Variants in CCN3 observed in about 807,000 individuals in gnomAD.
The protein encoded by CCN3 is cellular communication network factor 3, also known as CCN family member 3.
Under a neutral mutation model 33.4 loss-of-function variants are expected in CCN3, and 20 were observed. The observed-to-expected ratio is 0.60, with a 90% CI of 0.42 to 0.87. The LOEUF is 0.87. Among genes scored for constraint, CCN3 ranks in the 40% least tolerant of loss-of-function variants. The pLI is 0.00. For synonymous variants in CCN3, 205 were observed against 170.4 expected (o/e 1.20, Z -1.58); for missense variants, 465 against 455.3 (o/e 1.02, Z -0.19).
At position 119,416,962 on chromosome 8, in the gene CCN3, C is replaced by G; in HGVS notation, c.303C>G (p.Ile101Met). The change falls in exon 2 of 5, where the codon ATC (isoleucine) becomes ATG (methionine). Residue 101 changes from isoleucine to methionine, a missense_variant. By Grantham distance (10) the Ile-to-Met change is conservative. Transcript: ENST00000259526. ...RSADPSNQTGICTAVEGDNCV... is the reference protein window; with the variant it reads ...RSADPSNQTGMCTAVEGDNCV... ...CGGACCCCAGCAACCAGACTGGCAT[C>G]TGCACGGGTAATCCTGCTCCCTCTG... The G allele has an allele frequency of 6.2e-7, 1 of 1,611,716 alleles. No homozygotes were observed. Among genetic ancestry groups the G allele is most frequent in the Non-Finnish European group, 8.5e-7 (1 of 1,178,422 alleles).
chr8:119,418,019 T>C lies in CCN3; in HGVS notation c.311-39T>C, dbSNP rs201215117. 29 of 1,584,748 alleles carry C rather than the reference T, an allele frequency of 1.8e-5. No individual in the cohort carries two copies. The East Asian group carries it at 5.6e-4, about 31-fold the overall frequency. On this transcript the variant is annotated intron_variant, in intron 2 of 4. Coordinates refer to ENST00000259526, the MANE Select transcript of CCN3 (RefSeq NM_002514.4). ...CTGTATTGTGTTCTTGTTTTTCCTC[T>C]TCCTCTTTGCTTTTCACTTTGCTTC...
In CCN3 at chr8:119,422,875, G is replaced by A; in HGVS notation, c.817G>A (p.Ala273Thr). 1 of 1,612,412 alleles carries A rather than the reference G, an allele frequency of 6.2e-7. No homozygotes were observed. Residue 273 changes from alanine to threonine, a missense_variant, in exon 5 of 5, where the codon GCC (alanine) becomes ACC (threonine). Transcript: ENST00000259526. ...TCTCCGCACCAAGAAGTCACTCAAA[G>A]CCATCCACCTGCAGTTCAAGAACTG... is the stretch of plus-strand genomic sequence containing the variant. The part of the protein sequence containing the change: ...KCLRTKKSLK[A>T]IHLQFKNCTS...
chr8:119,417,576 A>G (rs1820068754), intron 2 of CCN3, among the ~76,000 whole-genome samples: 1 of 152,226 alleles, frequency 6.6e-6, no homozygotes, highest in African/African-American at 2.4e-5. Flanking sequence ...CTTTCTGGAC[A>G]GGAGGGCTTT....
intron 2 of CCN3, 150 bp downstream of exon 2, chr8:119,417,119 C>G (rs142716265): frequency 6.9e-6 from 5 of 725,246 alleles, no homozygotes; most frequent in Non-Finnish European, 1.1e-5. Context: ...TACTGTGTGT[C>G]AGGCATGGTT....
chr8:119,422,146 CAGAGAGAGACAGAG>C (rs566091994), intron 4 of CCN3, among the ~76,000 whole-genome samples: 1,650 of 151,274 alleles, frequency 0.011, 20 homozygotes, highest in South Asian at 0.032. Flanking sequence ...GGCAGCAGGA[CAGAGAGAGACAGAG>C]AGAGAGAGAG....
chr8:119,417,016 T>A, intron 2 of CCN3, 47 bp downstream of exon 2: 1 of 1,454,358 alleles, frequency 6.9e-7, no homozygotes, highest in Non-Finnish European at 9.5e-7. Context: ...TGCAGCTAAG[T>A]GAAGCTGCTT....
rs1563616513 is a variant in CCN3, at chr8:119,419,175, A to G, written c.607A>G (p.Ser203Gly). The G allele has an allele frequency of 6.2e-7, 1 of 1,614,242 alleles. No individual in the cohort carries two copies. Among genetic ancestry groups the G allele is most frequent in the East Asian group, 2.2e-5 (1 of 44,882 alleles). The change falls in exon 4 of 5, where the codon AGT becomes GGT. Residue 203 changes from serine (S) to glycine (G), a missense_variant. By Grantham distance (56) the Ser-to-Gly change is moderately conservative (BLOSUM62 0). Coordinates refer to ENST00000259526, the MANE Select transcript of CCN3 (RefSeq NM_002514.4). ...ATLGVEVSDS[S>G]VNCIEQTTEW... Reference sequence around the variant, plus strand: ...CCTAGGAGTAGAAGTCTCTGACTCAAGTGTCAACTGCATTGAACAGACCAC... The same window carrying G: ...CCTAGGAGTAGAAGTCTCTGACTCAGGTGTCAACTGCATTGAACAGACCAC...
rs377391417 is a variant in CCN3, at chr8:119,416,483, T to C, written c.-50T>C. The C allele has an allele frequency of 1.4e-4, 220 of 1,576,366 alleles. No individual in the cohort carries two copies. In the African/African-American group the frequency reaches 2.7e-3, roughly 20 times the overall value. ...AGGGGGAAGGCGAGCAGTGCCAATCTACAGCGAAGAAAGTCTCGTTTGGTA... is the reference window on the plus strand; with the variant it reads ...AGGGGGAAGGCGAGCAGTGCCAATCCACAGCGAAGAAAGTCTCGTTTGGTA... On this transcript the variant is annotated 5_prime_UTR_variant, in exon 1 of 5. Coordinates refer to ENST00000259526, the MANE Select transcript of CCN3 (RefSeq NM_002514.4).
In CCN3 at chr8:119,419,200, C is replaced by G; in HGVS notation, c.632C>G (p.Thr211Arg). Reference sequence around the variant, plus strand: ...AGTGTCAACTGCATTGAACAGACCACAGAGTGGACAGCATGCTCCAAGAGC... The same window carrying G: ...AGTGTCAACTGCATTGAACAGACCAGAGAGTGGACAGCATGCTCCAAGAGC... ...DSSVNCIEQT[T>R]EWTACSKSCG... The change falls in exon 4 of 5, where the codon ACA becomes AGA. Residue 211 changes from threonine to arginine, a missense_variant. Physicochemically the swap from Thr to Arg is moderately conservative, Grantham distance 71 (BLOSUM62 -1). Transcript: ENST00000259526. 6.2e-7 allele frequency: 1 copy of G among 1,614,234 alleles called. No individual in the cohort carries two copies. Among genetic ancestry groups the G allele is most frequent in the East Asian group, 2.2e-5 (1 of 44,888 alleles).
rs1327143169 is a variant in CCN3, at chr8:119,424,245, C to T, written c.*1113C>T. 6.6e-6 allele frequency: 1 copy of T among 152,210 alleles called. No homozygotes were observed. Among genetic ancestry groups the T allele is most frequent in the East Asian group, 1.9e-4 (1 of 5,176 alleles). 9.4% of individuals were successfully genotyped at this position (152,210 alleles called of 1,614,324 possible). The stretch of plus-strand genomic sequence containing the variant: ...TTCTTTTAATGCCACCACACGTGTT[C>T]CGCTTCTCTCTTTTAAAGTATTTAT... On this transcript the variant is annotated 3_prime_UTR_variant, in exon 5 of 5. Transcript: ENST00000259526.
chr8:119,418,123 A>C lies in CCN3; in HGVS notation c.376A>C (p.Ser126Arg). The C allele has an allele frequency of 6.2e-7, 1 of 1,614,226 alleles. No individual in the cohort carries two copies. The highest frequency in any genetic ancestry group is 8.5e-7 in the Non-Finnish European group (1 of 1,180,028). Residue 126 changes from serine (S) to arginine (R), a missense_variant, in exon 3 of 5, where the codon AGC becomes CGC. Transcript: ENST00000259526. ...IYRSGEKFQP[S>R]CKFQCTCRDG... ...CCGCAGTGGAGAGAAATTTCAGCCAAGCTGCAAATTCCAGTGCACCTGCAG... is the reference window on the plus strand; with the variant it reads ...CCGCAGTGGAGAGAAATTTCAGCCACGCTGCAAATTCCAGTGCACCTGCAG...
chr8:119,422,455 G>A (rs1293391034), intron 4 of CCN3, among the ~76,000 whole-genome samples: 3 of 152,120 alleles, frequency 2.0e-5, no homozygotes, highest in Non-Finnish European at 4.4e-5. Flanking sequence ...TTAAAAGATA[G>A]GTTTTGTTAT....
intron 3 of CCN3, among the ~76,000 whole-genome samples, chr8:119,418,784 C>T (rs921279162): frequency 6.6e-6 from 1 of 152,188 alleles, no homozygotes; most frequent in Non-Finnish European, 1.5e-5. Flanking sequence ...GCTCAGATGG[C>T]ACTTCAGGAC....
At chr8:119,418,445 A>C in intron 3 of CCN3, 136 bp downstream of exon 3, 2 of 1,081,140 alleles carry the variant, frequency 1.8e-6, no homozygotes, top group Non-Finnish European at 2.7e-6. Flanking sequence ...CAGGTTGCCC[A>C]CTGAGATCAA....
At chr8:119,417,309 T>C (rs1820064678) in intron 2 of CCN3, among the ~76,000 whole-genome samples, 2 of 152,126 alleles carry the variant, frequency 1.3e-5, no homozygotes, top group South Asian at 4.1e-4. Context: ...TTGGGGCTGA[T>C]GGAAGCTCGG....
chr8:119,417,285 T>G (rs1820064108), intron 2 of CCN3, among the ~76,000 whole-genome samples: 1 of 152,018 alleles, frequency 6.6e-6, no homozygotes, highest in Non-Finnish European at 1.5e-5. Flanking sequence ...CTTCGGACAC[T>G]TCTAGGGGGC....
intron 2 of CCN3, among the ~76,000 whole-genome samples, chr8:119,417,769 A>G (rs1820071425): frequency 6.6e-6 from 1 of 152,184 alleles, no homozygotes; most frequent in African/African-American, 2.4e-5. Flanking sequence ...GAACATTGGG[A>G]AAAATGGCCA....
Position 119,416,772 on chromosome 8 carries a change from A to C in CCN3, c.113A>C (p.Gln38Pro). Residue 38 changes from glutamine to proline, a missense_variant, in exon 2 of 5, where the codon CAG becomes CCG. By Grantham distance (76) the Gln-to-Pro change is moderately conservative. Transcript: ENST00000259526. Reference protein sequence around the residue: ...QVAATQRCPPQCPGRCPATPP... With the variant: ...QVAATQRCPPPCPGRCPATPP... Reference sequence around the variant, plus strand: ...GCTGCGACTCAGCGCTGCCCTCCCCAGTGCCCGGGCCGGTGCCCTGCGACG... The same window carrying C: ...GCTGCGACTCAGCGCTGCCCTCCCCCGTGCCCGGGCCGGTGCCCTGCGACG... 1 of 1,594,240 alleles carries C rather than the reference A, an allele frequency of 6.3e-7. No individual in the cohort carries two copies. Among genetic ancestry groups the C allele is most frequent in the Non-Finnish European group, 8.5e-7 (1 of 1,170,320 alleles).
Position 119,422,963 on chromosome 8 carries a change from C to T in CCN3, c.905C>T (p.Thr302Ile). 3 of 1,614,192 alleles carry T rather than the reference C, an allele frequency of 1.9e-6. No individual in the cohort carries two copies. Among genetic ancestry groups the T allele is most frequent in the Non-Finnish European group, 2.5e-6 (3 of 1,180,036 alleles). ...CGVCSDGRCC[T>I]PHNTKTIQAE... Reference sequence around the variant, plus strand: ...GTCTGCAGTGATGGCCGCTGCTGCACTCCCCACAATACCAAAACCATCCAG... The same window carrying T: ...GTCTGCAGTGATGGCCGCTGCTGCATTCCCCACAATACCAAAACCATCCAG... Residue 302 changes from threonine to isoleucine, a missense_variant, in exon 5 of 5, where the codon ACT becomes ATT. Coordinates refer to ENST00000259526, the MANE Select transcript of CCN3 (RefSeq NM_002514.4).
Sources: gnomAD v4.1 joint callset for allele counts (sites outside exome capture counted in the v4.1 genomes callset) on GRCh38, gnomAD v4.1.1 for gene constraint, MANE v1.5 for transcripts, NCBI Gene and HGNC (gene_info 2026-07-23, HGNC 2026-07-21) for gene names.